The following CSMD2 variants were observed in gnomAD, a reference collection of about 807,000 sequenced individuals.
The protein encoded by CSMD2 is CUB and sushi domain-containing protein 2.
CSMD2 carries 130 observed loss-of-function variants against 398.5 expected under a neutral mutation model. The ratio of observed to expected loss-of-function variants is 0.33; its 90% CI spans 0.28 to 0.38. CSMD2 has a LOEUF of 0.38. Among genes scored for constraint, CSMD2 ranks in the 10% least tolerant of loss-of-function variants. CSMD2 has a pLI of 1.00. For missense variants in CSMD2, 3,829 were observed against 4,764.9 expected (o/e 0.80, Z 5.78); for synonymous variants, 1,828 against 1,908.5 (o/e 0.96, Z 1.10).
chr1:33,579,301 T>G (rs1208832822), intron 48 of CSMD2, among the ~76,000 whole-genome samples: 1 of 152,190 alleles, frequency 6.6e-6, no homozygotes, highest in Non-Finnish European at 1.5e-5. Flanking sequence ...ATGCGGACAC[T>G]GAAGCCTGAA....
chr1:33,704,215 T>C (rs572685005), intron 22 of CSMD2, among the ~76,000 whole-genome samples: 39 of 152,268 alleles, frequency 2.6e-4, no homozygotes, highest in Non-Finnish European at 4.0e-4. Context: ...AATTTTCTTA[T>C]TGATTTTGAG....
At chr1:34,139,896 C>T (rs571288753) in intron 1 of CSMD2, among the ~76,000 whole-genome samples, 32 of 152,248 alleles carry the variant, frequency 2.1e-4, no homozygotes, top group Admixed American at 7.8e-4. Context: ...CCTGTCCTGC[C>T]AGTCTTGTGT....
intron 25 of CSMD2, among the ~76,000 whole-genome samples, chr1:33,686,335 TG>T (rs1645061853): frequency 6.6e-6 from 1 of 152,220 alleles, no homozygotes. Context: ...TATGTACTGA[TG>T]ACACAGGCAA....
At chr1:33,984,026 T>C (rs935933804) in intron 3 of CSMD2, among the ~76,000 whole-genome samples, 12 of 152,090 alleles carry the variant, frequency 7.9e-5, no homozygotes, top group Admixed American at 7.9e-4. Flanking sequence ...TGGTGGCGCA[T>C]GCCTGTAGTC....
chr1:33,889,923 T>C, intron 5 of CSMD2, among the ~76,000 whole-genome samples: 1 of 152,050 alleles, frequency 6.6e-6, no homozygotes, highest in African/African-American at 2.4e-5. Context: ...AGGTATGCTT[T>C]GAATTTTTCA....
At chr1:33,573,394 C>T (rs187135030) in intron 49 of CSMD2, among the ~76,000 whole-genome samples, 9 of 151,780 alleles carry the variant, frequency 5.9e-5, no homozygotes, top group Non-Finnish European at 1.0e-4. Context: ...CCTTAGGAAA[C>T]AGAGCTAATT....
chr1:33,850,366 A>G (rs770202851), intron 5 of CSMD2, among the ~76,000 whole-genome samples: 1 of 152,200 alleles, frequency 6.6e-6, no homozygotes, highest in Admixed American at 6.5e-5. Context: ...GGCTGCACAG[A>G]GAGGTAAAGA....
chr1:33,669,751 G>T (rs1264632699), intron 25 of CSMD2, among the ~76,000 whole-genome samples: 1 of 152,164 alleles, frequency 6.6e-6, no homozygotes, highest in Non-Finnish European at 1.5e-5. Flanking sequence ...AGGGCATACT[G>T]GATTAGGGTG....
chr1:33,899,243 ATC>A (rs1254425541), intron 5 of CSMD2, among the ~76,000 whole-genome samples: 2 of 152,218 alleles, frequency 1.3e-5, no homozygotes, highest in Non-Finnish European at 2.9e-5. Context: ...GAGCCTGGCT[ATC>A]TGTGAAGCCA....
rs574460417 is a variant in CSMD2 at position 33,633,905 on chromosome 1, C to T, written c.5087-370G>A. On this transcript the variant is annotated intron_variant, in intron 31 of 70. Coordinates refer to ENST00000373381, the MANE Select transcript of CSMD2 (RefSeq NM_001281956.2). The surrounding 1 kb of genome is among the most constrained non-coding windows in gnomAD (Gnocchi z 5.0). ...TGGGTACCATCCCTCATTCTCCATG[C>T]GATGTCAGGACCCCACATTCATGCG... 3.3e-5 allele frequency among the ~76,000 whole-genome samples: 5 copies of T among 152,306 alleles called. No individual in the cohort carries two copies. In the East Asian group the frequency reaches 5.8e-4, roughly 18 times the overall value.
chr1:33,971,573 A>C (rs1261437744), intron 3 of CSMD2, among the ~76,000 whole-genome samples: 3 of 152,256 alleles, frequency 2.0e-5, no homozygotes, highest in Non-Finnish European at 4.4e-5. Flanking sequence ...GCTTCCGAGC[A>C]GCTCTTGGAG....
intron 47 of CSMD2, among the ~76,000 whole-genome samples, chr1:33,581,732 G>A (rs1438814108): frequency 1.3e-5 from 2 of 152,020 alleles, no homozygotes; most frequent in African/African-American, 4.8e-5. Flanking sequence ...TACCTTAAAT[G>A]TCTGAGATTG....
At chr1:33,977,225 G>A (rs1381521212) in intron 3 of CSMD2, among the ~76,000 whole-genome samples, 1 of 152,056 alleles carries the variant, frequency 6.6e-6, no homozygotes, top group African/African-American at 2.4e-5. Context: ...GGGCTGGGTG[G>A]GGAGTGGGCA....
intron 3 of CSMD2, among the ~76,000 whole-genome samples, chr1:33,999,746 C>T (rs1036402213): frequency 1.3e-5 from 2 of 152,142 alleles, no homozygotes; most frequent in African/African-American, 4.8e-5. Flanking sequence ...TAAGGCTTTT[C>T]CCCAGTTCTT....
At chr1:33,810,955 C>T in intron 9 of CSMD2, 91 bp from the exon 10 acceptor site, 1 of 1,415,254 alleles carries the variant, frequency 7.1e-7, no homozygotes, top group Non-Finnish European at 9.7e-7. Context: ...GACACTGCAT[C>T]TGTACAGTTC....
At chr1:34,024,142 T>C (rs922938907) in intron 3 of CSMD2, among the ~76,000 whole-genome samples, 9 of 152,208 alleles carry the variant, frequency 5.9e-5, no homozygotes, top group Admixed American at 4.6e-4. Flanking sequence ...TCTCCCAACA[T>C]TTTTAGGTTT....
intron 3 of CSMD2, among the ~76,000 whole-genome samples, chr1:34,010,636 T>G (rs947552319): frequency 6.6e-6 from 1 of 152,012 alleles, no homozygotes; most frequent in African/African-American, 2.4e-5. Context: ...TCTTTTTTTT[T>G]GTGACGGAGT....
At chr1:34,138,964 C>G (rs1049292278) in intron 1 of CSMD2, among the ~76,000 whole-genome samples, 4 of 152,036 alleles carry the variant, frequency 2.6e-5, no homozygotes, top group Admixed American at 6.6e-5. Flanking sequence ...TCCATCACCC[C>G]CCATCCTCAC....
intron 22 of CSMD2, among the ~76,000 whole-genome samples, chr1:33,701,263 A>G (rs1032530714): frequency 6.6e-6 from 1 of 152,156 alleles, no homozygotes; most frequent in South Asian, 2.1e-4. Flanking sequence ...CTTCCCTCCT[A>G]AAATGAGGGC....
Sources: allele counts gnomAD v4.1 joint callset (sites outside exome capture counted in the v4.1 genomes callset), GRCh38; gene constraint gnomAD v4.1.1; non-coding constraint Gnocchi (gnomAD v3.1); transcripts MANE v1.5; gene names NCBI Gene and HGNC (gene_info 2026-07-23, HGNC 2026-07-21).